PPARGC1A: variants seen among roughly 807,000 people sequenced by gnomAD.
PPARGC1A encodes the protein PPARG coactivator 1 alpha.
PPARGC1A carries 25 observed loss-of-function variants against 88.7 expected under a neutral mutation model. That is an observed-to-expected ratio of 0.28 (90% CI 0.21 to 0.39). The LOEUF is 0.39. PPARGC1A is among the 10% of genes least tolerant of loss of function. The pLI, the probability that PPARGC1A is intolerant of heterozygous loss-of-function variation, is 1.00. For missense variants in PPARGC1A, 880 were observed against 968.7 expected (o/e 0.91, Z 1.22); for synonymous variants, 363 against 355.6 (o/e 1.02, Z -0.24).
chr4:24,157,035 C>T, the PPARGC1A span, among the ~76,000 whole-genome samples: 12 of 152,066 alleles, frequency 7.9e-5, no homozygotes, highest in Non-Finnish European at 1.6e-4. Context: ...TCAAGGATAC[C>T]ACATAGAGGC....
At chr4:24,168,223 A>C in the PPARGC1A span, among the ~76,000 whole-genome samples, 89 of 152,310 alleles carry the variant, frequency 5.8e-4, no homozygotes, top group Non-Finnish European at 1.1e-3. Context: ...TCTGAGACCG[A>C]ATCTGCAACA....
Position 23,812,982 on chromosome 4 carries a change from G to A in PPARGC1A, c.1898+39C>T, listed in dbSNP as rs779226520. 3 of 1,611,032 alleles carry A rather than the reference G, an allele frequency of 1.9e-6. No homozygotes were observed. The Admixed American group carries it at 5.0e-5, about 27-fold the overall frequency. On this transcript the variant is annotated intron_variant, in intron 9 of 12. Transcript: ENST00000264867. ...AGAACATCTTGTCATCTCAAGGAGGGGATAAAGGGAGCTAAAGGAAAATGA... is the reference window on the plus strand; with the variant it reads ...AGAACATCTTGTCATCTCAAGGAGGAGATAAAGGGAGCTAAAGGAAAATGA...
the PPARGC1A span, among the ~76,000 whole-genome samples, chr4:24,013,294 G>A: frequency 6.6e-6 from 1 of 152,026 alleles, no homozygotes; most frequent in Non-Finnish European, 1.5e-5. Context: ...CAAGTTCAAC[G>A]TTTGCTAAAA....
At chr4:24,161,686 C>T in the PPARGC1A span, among the ~76,000 whole-genome samples, 1 of 152,058 alleles carries the variant, frequency 6.6e-6, no homozygotes. Context: ...GCTAAGCTTC[C>T]TACGTAGTTC....
At chr4:24,357,947 G>A in the PPARGC1A span, among the ~76,000 whole-genome samples, 13 of 152,256 alleles carry the variant, frequency 8.5e-5, no homozygotes, top group South Asian at 6.2e-4. Context: ...TGTCAGCAGC[G>A]TGAAAACAGA....
the PPARGC1A span, among the ~76,000 whole-genome samples, chr4:24,041,912 CA>C: frequency 1.3e-3 from 177 of 136,202 alleles, no homozygotes; most frequent in Admixed American, 1.3e-3. Context: ...GGCATCCCAC[CA>C]AAAAAAAAAA....
chr4:24,247,158 A>T, the PPARGC1A span, among the ~76,000 whole-genome samples: 1 of 152,120 alleles, frequency 6.6e-6, no homozygotes, highest in Admixed American at 6.5e-5. Flanking sequence ...TCAAGCTAAA[A>T]ATCATCAGTT....
chr4:24,118,354 A>C, the PPARGC1A span, among the ~76,000 whole-genome samples: 1 of 152,010 alleles, frequency 6.6e-6, no homozygotes, highest in South Asian at 2.1e-4. Flanking sequence ...AAATTAAAAG[A>C]AAAAAACCCA....
chr4:23,867,427 C>A (rs1320400819), intron 2 of PPARGC1A, among the ~76,000 whole-genome samples: 1 of 152,202 alleles, frequency 6.6e-6, no homozygotes, highest in Non-Finnish European at 1.5e-5. Context: ...TCAGTCTCTG[C>A]ATTAGAGCAT....
the PPARGC1A span, among the ~76,000 whole-genome samples, chr4:24,101,812 C>A: frequency 2.6e-5 from 4 of 152,164 alleles, no homozygotes; most frequent in Non-Finnish European, 5.9e-5. Context: ...AGAATACGTT[C>A]ATGGATTCGA....
the PPARGC1A span, among the ~76,000 whole-genome samples, chr4:24,458,731 A>T: frequency 6.6e-6 from 1 of 152,188 alleles, no homozygotes; most frequent in Admixed American, 6.5e-5. Flanking sequence ...CAACCTAAAT[A>T]CCCAATGATA....
intron 2 of PPARGC1A, among the ~76,000 whole-genome samples, chr4:23,845,939 A>T (rs1259391676): frequency 6.6e-6 from 1 of 152,152 alleles, no homozygotes; most frequent in Non-Finnish European, 1.5e-5. Flanking sequence ...ATCAATTCCA[A>T]ATGCAGACTC....
chr4:24,445,859 G>C, the PPARGC1A span, among the ~76,000 whole-genome samples: 69 of 152,236 alleles, frequency 4.5e-4, no homozygotes, highest in African/African-American at 1.6e-3. Context: ...CTTGAGGCCA[G>C]GAGTTCGGGA....
At chr4:23,873,120 C>A (rs1207169396) in intron 2 of PPARGC1A, among the ~76,000 whole-genome samples, 1 of 150,228 alleles carries the variant, frequency 6.7e-6, no homozygotes, top group Non-Finnish European at 1.5e-5. Flanking sequence ...ATGGCATGAA[C>A]CCAGGAGGCA....
At chr4:24,136,936 A>G in the PPARGC1A span, among the ~76,000 whole-genome samples, 2 of 152,074 alleles carry the variant, frequency 1.3e-5, no homozygotes, top group Non-Finnish European at 2.9e-5. Flanking sequence ...CAACATGGTG[A>G]AACCCCGTCT....
the PPARGC1A span, among the ~76,000 whole-genome samples, chr4:24,284,152 A>G: frequency 2.7e-5 from 4 of 145,538 alleles, no homozygotes; most frequent in Non-Finnish European, 4.5e-5. Flanking sequence ...AAAAAAAATT[A>G]GCTGGGCGTG....
At chr4:24,220,092 A>T in the PPARGC1A span, among the ~76,000 whole-genome samples, 2 of 152,242 alleles carry the variant, frequency 1.3e-5, no homozygotes, top group African/African-American at 4.8e-5. Flanking sequence ...TCAAAAGAAG[A>T]CATACGAGCA....
chr4:24,387,894 G>A, the PPARGC1A span, among the ~76,000 whole-genome samples: 7 of 97,056 alleles, frequency 7.2e-5, no homozygotes, highest in African/African-American at 3.0e-4. Context: ...AAGAAAGAAA[G>A]AAAAAGAAAG....
chr4:24,051,912 G>A, the PPARGC1A span, among the ~76,000 whole-genome samples: 1 of 141,080 alleles, frequency 7.1e-6, no homozygotes. Context: ...ACTTGGGACA[G>A]TTATTCTCAG....
Sources: gnomAD v4.1 joint callset for allele counts (sites outside exome capture counted in the v4.1 genomes callset) on GRCh38, gnomAD v4.1.1 for gene constraint, MANE v1.5 for transcripts, NCBI Gene and HGNC (gene_info 2026-07-23, HGNC 2026-07-21) for gene names.